MAST2: variants seen among roughly 807,000 people sequenced by gnomAD.
MAST2 encodes microtubule-associated serine/threonine-protein kinase 2.
A neutral mutation model predicts 147.4 loss-of-function variants in MAST2; 70 were observed. The observed-to-expected ratio is 0.47, with a 90% CI of 0.39 to 0.58. The LOEUF is 0.58. Among genes scored for constraint, MAST2 ranks in the 20% least tolerant of loss-of-function variants. The pLI is 0.00. For missense variants in MAST2, 2,080 were observed against 2,302.3 expected (o/e 0.90, Z 1.98); for synonymous variants, 869 against 896.8 (o/e 0.97, Z 0.55).
chr1:46,021,048 G>C (rs950870830), intron 11 of MAST2, among the ~76,000 whole-genome samples: 2 of 152,128 alleles, frequency 1.3e-5, no homozygotes, highest in Admixed American at 1.3e-4. Context: ...GACAGTGAAT[G>C]GTAGGATAAT....
chr1:46,029,126 C>T (rs1402065651), intron 18 of MAST2, 193 bp downstream of exon 18: 1 of 610,106 alleles, frequency 1.6e-6, no homozygotes, highest in Non-Finnish European at 2.8e-6. Flanking sequence ...TCCCTTGGGG[C>T]TTCACATGTC....
chr1:45,827,297 T>G (rs1404464764), intron 2 of MAST2, among the ~76,000 whole-genome samples: 1 of 152,202 alleles, frequency 6.6e-6, no homozygotes, highest in Non-Finnish European at 1.5e-5. Context: ...TCTGTGTTAT[T>G]TATTTACTAA....
Position 46,031,123 on chromosome 1 carries a change from G to A in MAST2, c.2825G>A (p.Gly942Asp), listed in dbSNP as rs1208080439. The stretch of plus-strand genomic sequence containing the variant: ...CTGGATGCGCCTCGGTTCCCGGAGG[G>A]CCCTGAGGAGGCCAGCAGCACCCTC... ...GLLDAPRFPE[G>D]PEEASSTLRR... Residue 942 changes from glycine (G) to aspartate (D), a missense_variant, in exon 23 of 29, where the codon GGC (glycine) becomes GAC (aspartate). Gly to Asp is a moderately conservative substitution (Grantham distance 94). Coordinates refer to ENST00000361297, the MANE Select transcript of MAST2 (RefSeq NM_015112.3). The surrounding 1 kb of genome is among the most constrained non-coding windows in gnomAD (Gnocchi z 4.1). 3 of 1,611,204 alleles carry A rather than the reference G, an allele frequency of 1.9e-6. No individual in the cohort carries two copies. The highest frequency in any genetic ancestry group is 1.3e-5 in the African/African-American group (1 of 74,942).
chr1:45,827,994 G>A (rs1021575913), intron 2 of MAST2, among the ~76,000 whole-genome samples: 7 of 152,022 alleles, frequency 4.6e-5, no homozygotes, highest in Non-Finnish European at 8.8e-5. Context: ...ACCATGCCTG[G>A]CTAATTTTTT....
rs141312382 is a variant in MAST2, at chr1:45,884,977, TAGG to T, written c.500+2586_500+2588del. On this transcript the variant is annotated intron_variant, in intron 4 of 28. Coordinates refer to ENST00000361297, the MANE Select transcript of MAST2 (RefSeq NM_015112.3). ...GCAAGTCTTTGTAGGGAGTGTGCAG[TAGG>T]AGGCAAAGTACTGCTTAGCATTTGT... 2.9e-3 allele frequency among the ~76,000 whole-genome samples: 447 copies of T among 152,226 alleles called. 2 individuals are homozygous for T. Among genetic ancestry groups the T allele is most frequent in the East Asian group, 0.02 (106 of 5,176 alleles).
intron 10 of MAST2, among the ~76,000 whole-genome samples, chr1:46,019,389 T>A (rs954648894): frequency 6.6e-6 from 1 of 152,108 alleles, no homozygotes; most frequent in Non-Finnish European, 1.5e-5. Context: ...CATTTCTTGG[T>A]GTCATGTAGT....
chr1:45,930,391 T>TTTTTTTTTTG (rs1553235604), intron 4 of MAST2, among the ~76,000 whole-genome samples: 43 of 147,276 alleles, frequency 2.9e-4, no homozygotes, highest in East Asian at 1.6e-3. Context: ...TTTTTTGTTT[T>TTTTTTTTTTG]TTTTGTTTTG....
rs372778900 is a variant in MAST2, at chr1:45,940,621, A to ATTT, written c.501-18751_501-18749dup. ...CTACAGAGCAAAGAGAAGGTTGAGG[A>ATTT]TTTTTTTTTTTTTTTTGAGACAGAG... On this transcript the variant is annotated intron_variant, in intron 4 of 28. Coordinates refer to ENST00000361297, the MANE Select transcript of MAST2 (RefSeq NM_015112.3). 3.8e-4 allele frequency among the ~76,000 whole-genome samples: 54 copies of ATTT among 141,100 alleles called. 2 individuals are homozygous for ATTT. The highest frequency in any genetic ancestry group is 6.6e-4 in the Non-Finnish European group (43 of 64,728). 92.6% of individuals were successfully genotyped at this position (141,100 alleles called of 152,430 possible). A position where few individuals can be genotyped will look rare whatever the true frequency, so the allele number is the denominator to read the frequency against.
chr1:45,829,635 T>C, intron 3 of MAST2, 54 bp downstream of exon 3: 1 of 1,534,692 alleles, frequency 6.5e-7, no homozygotes, highest in Non-Finnish European at 8.9e-7. Context: ...TAATTGTCAT[T>C]TGTCATTGCA....
At chr1:46,026,859 C>T (rs1005628748) in intron 16 of MAST2, among the ~76,000 whole-genome samples, 1 of 152,134 alleles carries the variant, frequency 6.6e-6, no homozygotes, top group Non-Finnish European at 1.5e-5. Flanking sequence ...CTTATTAAGT[C>T]TGAGTTTGAG....
intron 4 of MAST2, chr1:45,913,955 T>C: frequency 1.0e-6 from 1 of 1,005,024 alleles, no homozygotes; most frequent in South Asian, 2.1e-5. Flanking sequence ...ACAGCTTCGT[T>C]CATTTGGATG....
chr1:45,976,468 A>C (rs1013183802), intron 5 of MAST2, among the ~76,000 whole-genome samples: 2 of 152,306 alleles, frequency 1.3e-5, no homozygotes, highest in African/African-American at 4.8e-5. Flanking sequence ...ATAGTGGCAC[A>C]TGCCTGTAAT....
Position 46,035,238 on chromosome 1 carries a change from G to A in MAST2, c.4569G>A (p.Leu1523=). The A allele has an allele frequency of 6.2e-7, 1 of 1,614,002 alleles. No homozygotes were observed. Among genetic ancestry groups the A allele is most frequent in the Non-Finnish European group, 8.5e-7 (1 of 1,180,000 alleles). The stretch of plus-strand genomic sequence containing the variant: ...GCCAGGGTGCACAGGAGCTGAGCTT[G>A]GCACCTCACCCAGAAGTGAGCCAGA... The part of the protein sequence containing the change: ...ENSQGAQELS[L]APHPEVSQSV... The change falls in exon 29 of 29, where the codon TTG becomes TTA. Residue 1523 remains leucine (L), a synonymous_variant. Transcript: ENST00000361297. This position sits in a 1 kb window ranked among gnomAD's most constrained non-coding sequence, Gnocchi z 5.5.
At chr1:46,011,154 T>G (rs1275880154) in intron 10 of MAST2, 9 of 576,694 alleles carry the variant, frequency 1.6e-5, no homozygotes, top group Middle Eastern at 9.1e-4. Flanking sequence ...CTTCTGTTCC[T>G]TTTCTAAATC....
intron 3 of MAST2, among the ~76,000 whole-genome samples, chr1:45,851,061 G>C (rs550823794): frequency 6.6e-6 from 1 of 152,000 alleles, no homozygotes; most frequent in Non-Finnish European, 1.5e-5. Flanking sequence ...TGGACAGTAT[G>C]GCTGTTTCAA....
chr1:45,971,716 G>A (rs1030240106), intron 5 of MAST2, among the ~76,000 whole-genome samples: 2 of 152,188 alleles, frequency 1.3e-5, no homozygotes, highest in African/African-American at 4.8e-5. Flanking sequence ...GCATTAAATT[G>A]ATAACCAGCA....
chr1:45,878,563 A>C (rs547675575), intron 3 of MAST2, among the ~76,000 whole-genome samples: 1 of 152,304 alleles, frequency 6.6e-6, no homozygotes, highest in African/African-American at 2.4e-5. Context: ...AAAGAAGTAA[A>C]GCTCCCTATT....
At chr1:45,973,835 C>T (rs1225757796) in intron 5 of MAST2, among the ~76,000 whole-genome samples, 1 of 152,116 alleles carries the variant, frequency 6.6e-6, no homozygotes, top group Non-Finnish European at 1.5e-5. Context: ...TGAGTATTGC[C>T]AGTGGGATGT....
intron 4 of MAST2, among the ~76,000 whole-genome samples, chr1:45,906,017 T>C (rs990463132): frequency 1.3e-5 from 2 of 152,216 alleles, no homozygotes; most frequent in African/African-American, 4.8e-5. Flanking sequence ...CATTGTGGTT[T>C]TGACTTACAT....
Sources: gnomAD v4.1 joint callset for allele counts (sites outside exome capture counted in the v4.1 genomes callset) on GRCh38, gnomAD v4.1.1 for gene constraint, Gnocchi (gnomAD v3.1) non-coding constraint, MANE v1.5 for transcripts, NCBI Gene and HGNC (gene_info 2026-07-23, HGNC 2026-07-21) for gene names.